Variants in PHYHD1 observed in about 807,000 individuals in gnomAD.
PHYHD1 encodes phytanoyl-CoA dioxygenase domain containing 1.
A neutral mutation model predicts 43.6 loss-of-function variants in PHYHD1; 42 were observed. The ratio of observed to expected loss-of-function variants is 0.96; its 90% CI spans 0.75 to 1.25. PHYHD1 has a LOEUF of 1.25. Ranked by LOEUF, PHYHD1 falls within the 50% of genes most tolerant of loss-of-function variation. The probability of loss-of-function intolerance (pLI) is 0.00; values close to 1 mark genes in which losing one functional copy is unlikely to be tolerated. For synonymous variants in PHYHD1, 139 were observed against 143.6 expected (o/e 0.97, Z 0.23); for missense variants, 342 against 370.8 (o/e 0.92, Z 0.64).
chr9:128,936,210 G>A (rs935842279), intron 6 of PHYHD1, among the ~76,000 whole-genome samples: 2 of 152,040 alleles, frequency 1.3e-5, no homozygotes, highest in African/African-American at 4.8e-5. Context: ...GAGGGGTGGG[G>A]AGTCGGGGCT....
chr9:128,933,619 A>C, intron 4 of PHYHD1, 163 bp from the exon 5 acceptor site: 1 of 758,854 alleles, frequency 1.3e-6, no homozygotes, highest in Admixed American at 2.0e-5. Context: ...AGGCACTTGA[A>C]GTTCTGGCTC....
In PHYHD1 at chr9:128,927,437, G is replaced by A. The variant is rs1195969122; in HGVS notation, c.192+241G>A. Among the ~76,000 whole-genome samples, 16 of 151,682 alleles carry A rather than the reference G, an allele frequency of 1.1e-4. No individual in the cohort carries two copies. In the East Asian group the frequency reaches 2.5e-3, roughly 24 times the overall value. The stretch of plus-strand genomic sequence containing the variant: ...GTTGCTCAGTCTGGAATTCAGTGGC[G>A]CGATCTCAGCTCACTGCAACCTCCG... On this transcript the variant is annotated intron_variant, in intron 4 of 12. Coordinates refer to ENST00000372592, the MANE Select transcript of PHYHD1 (RefSeq NM_001100876.2).
intron 9 of PHYHD1, chr9:128,938,008 A>C: frequency 7.2e-7 from 1 of 1,394,088 alleles, no homozygotes; most frequent in Non-Finnish European, 9.4e-7. Flanking sequence ...CAGCTGGTTA[A>C]AAATATAGAT....
chr9:128,937,760 C>G lies in PHYHD1; in HGVS notation c.439C>G (p.Pro147Ala). The change falls in exon 9 of 13, where the codon CCT (proline) becomes GCT (alanine). Residue 147 changes from proline to alanine, a missense_variant. Physicochemically the swap from Pro to Ala is conservative, Grantham distance 27 (BLOSUM62 -1). Coordinates refer to ENST00000372592, the MANE Select transcript of PHYHD1 (RefSeq NM_001100876.2). The stretch of plus-strand genomic sequence containing the variant: ...AGGCTTTTCCTCTCTCTTGCAGCAA[C>G]CTCACTTTGGCGGTGAAGGTGAGCT... ...VVQSMYIFKQPHFGGEVSPHQ... is the reference protein window; with the variant it reads ...VVQSMYIFKQAHFGGEVSPHQ... The G allele has an allele frequency of 6.2e-7, 1 of 1,614,036 alleles. No homozygotes were observed.
At chr9:128,922,758 T>C (rs1399360828) in intron 3 of PHYHD1, among the ~76,000 whole-genome samples, 1 of 152,192 alleles carries the variant, frequency 6.6e-6, no homozygotes, top group Non-Finnish European at 1.5e-5. Context: ...GCAACAGCCT[T>C]TTAAAAAATC....
At chr9:128,932,128 C>T (rs1265233075) in intron 4 of PHYHD1, among the ~76,000 whole-genome samples, 1 of 151,124 alleles carries the variant, frequency 6.6e-6, no homozygotes, top group Non-Finnish European at 1.5e-5. Context: ...AGCCACCGCA[C>T]CCGGCCTGGG....
intron 3 of PHYHD1, 129 bp downstream of exon 3, chr9:128,922,485 G>A: frequency 8.1e-7 from 1 of 1,241,536 alleles, no homozygotes; most frequent in Non-Finnish European, 1.1e-6. Context: ...CCAGAGGAGC[G>A]GGTTCCCAAC....
At chr9:128,934,927 CT>C (rs1841389088) in intron 6 of PHYHD1, among the ~76,000 whole-genome samples, 1 of 152,124 alleles carries the variant, frequency 6.6e-6, no homozygotes. Flanking sequence ...CTGATCCCCC[CT>C]AACAGGTGGG....
At chr9:128,925,381 G>A (rs1198981217) in intron 3 of PHYHD1, among the ~76,000 whole-genome samples, 3 of 151,398 alleles carry the variant, frequency 2.0e-5, no homozygotes, top group East Asian at 1.9e-4. Context: ...GCCCGCCACC[G>A]CACCTGGCTA....
Position 128,922,409 on chromosome 9 carries a change from G to A in PHYHD1, c.33+53G>A, listed in dbSNP as rs1020237524. ...GGGTCATGGCGGGGGGGTCCCTGCC[G>A]GACCTTCAGTAGTCCCAGTGCCCAA... On this transcript the variant is annotated intron_variant, in intron 3 of 12. Coordinates refer to ENST00000372592, the MANE Select transcript of PHYHD1 (RefSeq NM_001100876.2). The A allele has an allele frequency of 9.3e-5, 143 of 1,537,328 alleles. 1 individual carries two copies. The Admixed American group carries it at 1.4e-3, about 15-fold the overall frequency.
At position 128,941,359 on chromosome 9, in the gene PHYHD1, G is replaced by A. The variant is rs1841554419; in HGVS notation, c.704-86G>A. The A allele has an allele frequency of 2.6e-6, 4 of 1,550,296 alleles. No homozygotes were observed. The Admixed American group carries it at 7.0e-5, about 27-fold the overall frequency. On this transcript the variant is annotated intron_variant, in intron 11 of 12. Coordinates refer to ENST00000372592, the MANE Select transcript of PHYHD1 (RefSeq NM_001100876.2). ...ATGGATGGGGGCCACAAAACCACTG[G>A]AAGGAGGAGGGCCCATGTCCCTTCC...
At chr9:128,931,089 C>G (rs140860199) in intron 4 of PHYHD1, among the ~76,000 whole-genome samples, 77 of 152,188 alleles carry the variant, frequency 5.1e-4, no homozygotes, top group African/African-American at 1.8e-3. Flanking sequence ...GGTTTGGTTC[C>G]AGACCACTGC....
chr9:128,935,544 G>A (rs987697427), intron 6 of PHYHD1, among the ~76,000 whole-genome samples: 1 of 140,094 alleles, frequency 7.1e-6, no homozygotes, highest in Non-Finnish European at 1.5e-5. Flanking sequence ...GGGCAACAGA[G>A]CGAAACTCTG....
At chr9:128,938,143 C>T (rs950320372) in intron 9 of PHYHD1, among the ~76,000 whole-genome samples, 1 of 152,108 alleles carries the variant, frequency 6.6e-6, no homozygotes, top group African/African-American at 2.4e-5. Context: ...CCCATCTCTA[C>T]TAAAAATACA....
intron 3 of PHYHD1, among the ~76,000 whole-genome samples, chr9:128,923,893 G>A (rs1343826115): frequency 1.3e-5 from 2 of 152,158 alleles, no homozygotes; most frequent in East Asian, 1.9e-4. Context: ...CAAGGCAGGC[G>A]GATCACCTGA....
chr9:128,935,969 G>A (rs1426353211), intron 6 of PHYHD1, among the ~76,000 whole-genome samples: 2 of 152,144 alleles, frequency 1.3e-5, no homozygotes, highest in African/African-American at 2.4e-5. Context: ...TCAATCTTAT[G>A]TTTATGACAA....
intron 8 of PHYHD1, among the ~76,000 whole-genome samples, chr9:128,937,368 C>T (rs911086894): frequency 9.9e-5 from 15 of 152,194 alleles, no homozygotes; most frequent in African/African-American, 3.6e-4. Flanking sequence ...GTGCTCCCAG[C>T]TTTCAAGGGC....
At chr9:128,938,575 C>A (rs183268233) in intron 9 of PHYHD1, among the ~76,000 whole-genome samples, 1 of 152,196 alleles carries the variant, frequency 6.6e-6, no homozygotes, top group East Asian at 1.9e-4. Flanking sequence ...GTGCCTGCCA[C>A]CACGCCCAGC....
At chr9:128,934,349 T>C (rs1841371344) in intron 6 of PHYHD1, among the ~76,000 whole-genome samples, 1 of 150,318 alleles carries the variant, frequency 6.7e-6, no homozygotes, top group Admixed American at 6.6e-5. Context: ...AGATGTGCCA[T>C]TGCACTCCAG....
Sources: allele counts gnomAD v4.1 joint callset (sites outside exome capture counted in the v4.1 genomes callset), GRCh38; gene constraint gnomAD v4.1.1; transcripts MANE v1.5; gene names NCBI Gene and HGNC (gene_info 2026-07-23, HGNC 2026-07-21).